The following TAB2 variants were observed in gnomAD, a reference collection of about 807,000 sequenced individuals.
TAB2 encodes the protein TGF-beta activated kinase 1 (MAP3K7) binding protein 2, also known as TGF-beta-activated kinase 1 and MAP3K7-binding protein 2.
In TAB2, 3 loss-of-function variants were observed where a neutral mutation model predicts 65.0. The ratio of observed to expected loss-of-function variants is 0.05; its 90% confidence interval spans 0.02 to 0.12. The LOEUF (loss-of-function observed/expected upper bound fraction) is 0.12, where lower values mean the gene tolerates loss of function less well. TAB2 is among the 10% of genes least tolerant of loss of function. The pLI is 1.00. For synonymous variants in TAB2, 298 were observed against 285.1 expected (o/e 1.05, Z -0.46); for missense variants, 623 against 840.3 (o/e 0.74, Z 3.20).
At chr6:149,303,859 A>G (rs1404189569) in intron 1 of TAB2, among the ~76,000 whole-genome samples, 2 of 152,210 alleles carry the variant, frequency 1.3e-5, no homozygotes, top group Non-Finnish European at 2.9e-5. Flanking sequence ...TGAAGTCAGG[A>G]AAGTGGGGAT....
At chr6:149,362,449 T>G (rs1288083735) in intron 1 of TAB2, among the ~76,000 whole-genome samples, 1 of 152,102 alleles carries the variant, frequency 6.6e-6, no homozygotes, top group Admixed American at 6.5e-5. Context: ...GAACTCACTA[T>G]CCTGAGGACA....
chr6:149,260,567 T>C (rs1044201463), intron 1 of TAB2, among the ~76,000 whole-genome samples: 8 of 152,230 alleles, frequency 5.3e-5, no homozygotes, highest in Non-Finnish European at 1.0e-4. Context: ...ACACACATCA[T>C]GGACAAATCA....
At chr6:149,361,674 T>A (rs1780858181) in intron 1 of TAB2, among the ~76,000 whole-genome samples, 1 of 152,186 alleles carries the variant, frequency 6.6e-6, no homozygotes, top group African/African-American at 2.4e-5. Context: ...CGAAAAAGCC[T>A]TTTCTTTCTC....
rs755254675 is a variant in TAB2, at chr6:149,379,133, A to G, written c.1218A>G (p.Thr406=). ...AACAGGTCATGCGGAATCAGCCCAC[A>G]CTCTTCATATCCACAAACTCTGGAG... The part of the protein sequence containing the change: ...GDEQVMRNQP[T]LFISTNSGAS... The change falls in exon 3 of 7, where the codon ACA becomes ACG. Residue 406 remains threonine (T), a synonymous_variant. Coordinates refer to ENST00000637181, the MANE Select transcript of TAB2 (RefSeq NM_001292034.3). The G allele has an allele frequency of 6.2e-7, 1 of 1,613,848 alleles. No homozygotes were observed. Among genetic ancestry groups the G allele is most frequent in the Non-Finnish European group, 8.5e-7 (1 of 1,179,972 alleles).
intron 1 of TAB2, among the ~76,000 whole-genome samples, chr6:149,256,652 G>C (rs1310039740): frequency 6.6e-6 from 1 of 152,054 alleles, no homozygotes; most frequent in Non-Finnish European, 1.5e-5. Flanking sequence ...GATTACGCTG[G>C]ATAAAATTTT....
At chr6:149,275,659 G>A (rs541724853) in intron 1 of TAB2, among the ~76,000 whole-genome samples, 13 of 152,182 alleles carry the variant, frequency 8.5e-5, no homozygotes, top group Non-Finnish European at 1.5e-4. Flanking sequence ...CTTTTCAGTA[G>A]AGAAACCTGC....
intron 1 of TAB2, among the ~76,000 whole-genome samples, chr6:149,228,211 T>C (rs1244479210): frequency 6.6e-6 from 1 of 152,206 alleles, no homozygotes; most frequent in East Asian, 1.9e-4. Context: ...TTCTCCCGCA[T>C]TTACAACAAC....
At chr6:149,234,864 G>GAAAAAAA (rs386408903) in intron 1 of TAB2, among the ~76,000 whole-genome samples, 51 of 95,406 alleles carry the variant, frequency 5.3e-4, no homozygotes, top group South Asian at 1.0e-3. Flanking sequence ...TAGAGAGTGT[G>GAAAAAAA]AAAAAAAAAA....
chr6:149,289,252 G>A (rs1478922817), intron 1 of TAB2, among the ~76,000 whole-genome samples: 1 of 152,134 alleles, frequency 6.6e-6, no homozygotes, highest in African/African-American at 2.4e-5. Context: ...ATCAGGCAGA[G>A]TGCAGTGGCT....
intron 1 of TAB2, among the ~76,000 whole-genome samples, chr6:149,268,037 A>G (rs927660782): frequency 6.6e-6 from 1 of 152,176 alleles, no homozygotes; most frequent in African/African-American, 2.4e-5. Context: ...ATACTCTCCA[A>G]AATATTAATA....
intron 1 of TAB2, among the ~76,000 whole-genome samples, chr6:149,271,568 C>T (rs992811483): frequency 1.3e-5 from 2 of 152,166 alleles, no homozygotes; most frequent in Non-Finnish European, 2.9e-5. Context: ...CCAGAAGTTA[C>T]AGGACATGAC....
intron 1 of TAB2, among the ~76,000 whole-genome samples, chr6:149,272,125 G>A (rs1778375617): frequency 6.6e-6 from 1 of 152,110 alleles, no homozygotes. Flanking sequence ...AAAAAAACAG[G>A]TTATATCCCT....
At chr6:149,249,172 A>ATG (rs1777805644) in intron 1 of TAB2, among the ~76,000 whole-genome samples, 1 of 7,810 alleles carries the variant, frequency 1.3e-4, no homozygotes, top group African/African-American at 7.2e-4. Flanking sequence ...ACACACACGC[A>ATG]CACACACACA....
chr6:149,366,330 G>A (rs1458473429), intron 1 of TAB2, among the ~76,000 whole-genome samples: 2 of 152,016 alleles, frequency 1.3e-5, no homozygotes, highest in Non-Finnish European at 2.9e-5. Flanking sequence ...CTGCTTGAAT[G>A]GAATCTGTCG....
intron 6 of TAB2, among the ~76,000 whole-genome samples, chr6:149,403,289 C>CATATATATATATAT (rs1343045796): frequency 3.1e-5 from 1 of 32,520 alleles, no homozygotes; most frequent in African/African-American, 1.3e-4. Context: ...TATATACACA[C>CATATATATATATAT]ACACACATAT....
chr6:149,221,342 C>A (rs1440756741), intron 1 of TAB2: 1 of 152,196 alleles, frequency 6.6e-6, no homozygotes, highest in African/African-American at 2.4e-5. Context: ...CAGAGTGTAA[C>A]AATGAGCACA....
At chr6:149,266,862 A>G (rs896799719) in intron 1 of TAB2, among the ~76,000 whole-genome samples, 1 of 152,310 alleles carries the variant, frequency 6.6e-6, no homozygotes, top group South Asian at 2.1e-4. Flanking sequence ...CAGCCATCTT[A>G]CAGGGAGAAA....
chr6:149,295,823 G>A (rs759429340), intron 1 of TAB2, among the ~76,000 whole-genome samples: 22 of 151,928 alleles, frequency 1.4e-4, no homozygotes, highest in Non-Finnish European at 1.9e-4. Context: ...CTTAGGCTGG[G>A]GTGCAGTGGC....
At chr6:149,306,720 C>T (rs1779079412) in intron 1 of TAB2, among the ~76,000 whole-genome samples, 1 of 152,134 alleles carries the variant, frequency 6.6e-6, no homozygotes, top group East Asian at 1.9e-4. Context: ...CCACTGAACT[C>T]CAGCCTGGGC....
Sources: gnomAD v4.1 joint callset for allele counts (sites outside exome capture counted in the v4.1 genomes callset) on GRCh38, gnomAD v4.1.1 for gene constraint, MANE v1.5 for transcripts, NCBI Gene and HGNC (gene_info 2026-07-23, HGNC 2026-07-21) for gene names.